The following EIF2AK4 variants were observed in gnomAD, a reference collection of about 807,000 sequenced individuals.
EIF2AK4 encodes eukaryotic translation initiation factor 2 alpha kinase 4.
A neutral mutation model predicts 211.1 loss-of-function variants in EIF2AK4; 139 were observed. That is an observed-to-expected ratio of 0.66 (90% CI 0.57 to 0.76). EIF2AK4 has a LOEUF of 0.76. EIF2AK4 is among the 30% of genes least tolerant of loss of function. The probability of loss-of-function intolerance (pLI) is 0.00; values close to 1 mark genes in which losing one functional copy is unlikely to be tolerated. For synonymous variants in EIF2AK4, 710 were observed against 751.3 expected, an observed-to-expected ratio of 0.94 and a Z score of 0.90; for missense variants, 1,664 against 2,043.8, an observed-to-expected ratio of 0.81 and a Z score of 3.58.
intron 7 of EIF2AK4, among the ~76,000 whole-genome samples, chr15:39,965,079 A>G (rs749546339): frequency 2.6e-5 from 4 of 152,216 alleles, no homozygotes; most frequent in Non-Finnish European, 4.4e-5. Flanking sequence ...TAGACTCGTT[A>G]TGAAAATAAC....
chr15:39,953,853 G>A, intron 4 of EIF2AK4, 51 bp from the exon 5 acceptor site: 2 of 1,552,208 alleles, frequency 1.3e-6, no homozygotes, highest in East Asian at 4.5e-5. Context: ...TAATTTATAT[G>A]TTGTATGGGT....
intron 34 of EIF2AK4, 31 bp from the exon 35 acceptor site, chr15:40,030,328 G>A (rs770562120): frequency 1.2e-6 from 2 of 1,604,320 alleles, no homozygotes; most frequent in East Asian, 4.5e-5. Context: ...ACCAGATAAG[G>A]CCATAAATTC....
intron 15 of EIF2AK4, among the ~76,000 whole-genome samples, chr15:39,988,608 G>C (rs986148797): frequency 6.6e-6 from 1 of 152,192 alleles, no homozygotes; most frequent in African/African-American, 2.4e-5. Context: ...AAAGCCTAAA[G>C]TATTCACTCT....
chr15:40,035,151 T>A lies in EIF2AK4; in HGVS notation c.*67T>A. 7.7e-6 allele frequency: 9 copies of A among 1,167,948 alleles called. No individual in the cohort carries two copies. Among genetic ancestry groups the A allele is most frequent in the East Asian group, 5.0e-5 (2 of 39,916 alleles). The allele number at this position is 1,167,948 out of a possible 1,614,324, so 72.3% of individuals were successfully genotyped here. A position where few individuals can be genotyped will look rare whatever the true frequency, so the allele number is the denominator to read the frequency against. On this transcript the variant is annotated 3_prime_UTR_variant, in exon 39 of 39. Coordinates refer to ENST00000263791, the MANE Select transcript of EIF2AK4 (RefSeq NM_001013703.4). ...CTTATACTGGAATAATGGAATGTTG[T>A]ACATTCATCATAATTTAAAATTAAA...
At chr15:39,947,788 T>C (rs2034249609) in intron 3 of EIF2AK4, among the ~76,000 whole-genome samples, 1 of 152,222 alleles carries the variant, frequency 6.6e-6, no homozygotes, top group African/African-American at 2.4e-5. Context: ...GTGAGCCCTG[T>C]AGCACCAGGG....
At chr15:40,023,386 GATGAA>G (rs1465289471) in intron 32 of EIF2AK4, among the ~76,000 whole-genome samples, 4 of 152,076 alleles carry the variant, frequency 2.6e-5, no homozygotes, top group African/African-American at 9.7e-5. Flanking sequence ...ATGTTGGCCT[GATGAA>G]ATGAGTTGGA....
chr15:40,013,582 A>AAG (rs768715963), intron 27 of EIF2AK4, among the ~76,000 whole-genome samples: 11 of 152,328 alleles, frequency 7.2e-5, no homozygotes, highest in Admixed American at 3.9e-4. Flanking sequence ...GCAGAAGGCA[A>AAG]AGAGAGAGAA....
intron 1 of EIF2AK4, among the ~76,000 whole-genome samples, chr15:39,937,815 T>C (rs529367490): frequency 3.5e-4 from 53 of 152,304 alleles, no homozygotes; most frequent in Admixed American, 9.8e-4. Context: ...TAGACAAATA[T>C]AGGCAATTGA....
intron 21 of EIF2AK4, 118 bp downstream of exon 21, chr15:40,001,342 G>T: frequency 3.0e-6 from 3 of 995,446 alleles, no homozygotes. Context: ...GGTATTGGAA[G>T]CCCCTAAAAG....
chr15:39,981,943 T>TTTTG (rs2034794842), intron 13 of EIF2AK4, among the ~76,000 whole-genome samples: 1 of 147,036 alleles, frequency 6.8e-6, no homozygotes, highest in African/African-American at 2.5e-5. Context: ...TTTTTTTTTT[T>TTTTG]GAGACAGAGT....
Position 40,032,810 on chromosome 15 carries a change from T to C in EIF2AK4, c.4773+9T>C. On this transcript the variant is annotated intron_variant, in intron 37 of 38. Transcript: ENST00000263791. Reference sequence around the variant, plus strand: ...AGTTTTTATCATTAGAGGTAAGCAATATGAACTCTTCTGCACTGTGGCCTT... The same window carrying C: ...AGTTTTTATCATTAGAGGTAAGCAACATGAACTCTTCTGCACTGTGGCCTT... 6.2e-7 allele frequency: 1 copy of C among 1,612,556 alleles called. No homozygotes were observed. Among genetic ancestry groups the C allele is most frequent in the Non-Finnish European group, 8.5e-7 (1 of 1,179,248 alleles).
intron 9 of EIF2AK4, among the ~76,000 whole-genome samples, chr15:39,968,675 T>C (rs1327500638): frequency 1.3e-5 from 2 of 152,156 alleles, no homozygotes; most frequent in Non-Finnish European, 2.9e-5. Context: ...ACCTTCTTTT[T>C]CCCAATCATT....
chr15:39,985,974 G>C (rs2034859746), intron 14 of EIF2AK4, 86 bp downstream of exon 14: 1 of 1,178,866 alleles, frequency 8.5e-7, no homozygotes. Flanking sequence ...ACAAGATAAT[G>C]GACAGAGGAG....
intron 15 of EIF2AK4, among the ~76,000 whole-genome samples, chr15:39,989,151 G>T (rs901095916): frequency 6.6e-6 from 1 of 152,216 alleles, no homozygotes; most frequent in Non-Finnish European, 1.5e-5. Context: ...GAGTAACTTA[G>T]CTTGTCGCAT....
At chr15:40,005,910 C>T (rs1244745292) in intron 23 of EIF2AK4, among the ~76,000 whole-genome samples, 2 of 151,728 alleles carry the variant, frequency 1.3e-5, no homozygotes, top group Non-Finnish European at 2.9e-5. Context: ...TATATTTGGC[C>T]CTCTACATCC....
At chr15:40,029,255 ATTTT>A (rs2035506333) in intron 33 of EIF2AK4, 147 bp from the exon 34 acceptor site, 1 of 1,366,526 alleles carries the variant, frequency 7.3e-7, no homozygotes, top group Admixed American at 3.3e-5. Context: ...CTAAATGCAA[ATTTT>A]TTGTTTTTGT....
At chr15:39,992,115 G>T in intron 16 of EIF2AK4, 60 bp from the exon 17 acceptor site, 1 of 1,414,088 alleles carries the variant, frequency 7.1e-7, no homozygotes, top group Non-Finnish European at 9.8e-7. Flanking sequence ...AAACAGACAA[G>T]CCATTCTCAT....
Position 39,988,106 on chromosome 15 carries a change from G to GTAAA in EIF2AK4, c.2526+2_2526+5dup. The GTAAA allele has an allele frequency of 6.2e-7, 1 of 1,613,860 alleles. No homozygotes were observed. The highest frequency in any genetic ancestry group is 8.5e-7 in the Non-Finnish European group (1 of 1,179,928). ...TGGATTAGCTTATATCCATGAGAAA[G>GTAAA]TAAACTTTACAACATTTCATATCTG... On this transcript the variant is annotated splice_donor_variant, in intron 15 of 38. Transcript: ENST00000263791. LOFTEE classifies it high-confidence loss of function.
chr15:39,992,576 G>T, intron 17 of EIF2AK4, 193 bp from the exon 18 acceptor site: 1 of 603,204 alleles, frequency 1.7e-6, no homozygotes, highest in Non-Finnish European at 3.0e-6. Flanking sequence ...AGACATCCTT[G>T]TGTAGAACCG....
Sources: allele counts gnomAD v4.1 joint callset (sites outside exome capture counted in the v4.1 genomes callset), GRCh38; gene constraint gnomAD v4.1.1; transcripts MANE v1.5; gene names NCBI Gene and HGNC (gene_info 2026-07-23, HGNC 2026-07-21).